The following RAP1GDS1 variants were observed in gnomAD, a reference collection of about 807,000 sequenced individuals.
RAP1GDS1 encodes the protein RAP1, GTP-GDP dissociation stimulator 1.
Under a neutral mutation model 71.1 loss-of-function variants are expected in RAP1GDS1, and 35 were observed. The observed-to-expected ratio is 0.49, with a 90% CI of 0.38 to 0.65. The LOEUF (loss-of-function observed/expected upper bound fraction) is 0.65, where lower values mean the gene tolerates loss of function less well. Among genes scored for constraint, RAP1GDS1 ranks in the 30% least tolerant of loss-of-function variants. The probability of loss-of-function intolerance (pLI) is 0.00; values close to 1 mark genes in which losing one functional copy is unlikely to be tolerated. For missense variants in RAP1GDS1, 663 were observed against 706.1 expected (o/e 0.94, Z 0.69); for synonymous variants, 229 against 243.1 (o/e 0.94, Z 0.54).
chr4:98,289,572 AAAAG>A (rs1475345159), intron 1 of RAP1GDS1, among the ~76,000 whole-genome samples: 110 of 148,218 alleles, frequency 7.4e-4, no homozygotes, highest in South Asian at 6.5e-3. Flanking sequence ...AAAAAAAAAA[AAAAG>A]AAAGAAAAGT....
At chr4:98,346,272 A>C (rs1009794996) in intron 3 of RAP1GDS1, among the ~76,000 whole-genome samples, 8 of 152,196 alleles carry the variant, frequency 5.3e-5, no homozygotes, top group Admixed American at 5.2e-4. Context: ...TGCTCTTAAC[A>C]ACAAAAGAGT....
intron 4 of RAP1GDS1, among the ~76,000 whole-genome samples, chr4:98,355,007 ACTT>A (rs758423250): frequency 3.3e-5 from 5 of 152,146 alleles, no homozygotes; most frequent in African/African-American, 4.8e-5. Context: ...AATTCTGTCA[ACTT>A]CTTTGTGATT....
chr4:98,373,151 G>A (rs1188437341), intron 4 of RAP1GDS1, among the ~76,000 whole-genome samples: 1 of 152,080 alleles, frequency 6.6e-6, no homozygotes, highest in Non-Finnish European at 1.5e-5. Context: ...TGCATAACAG[G>A]TTTATTGCAA....
At chr4:98,432,097 G>A (rs1215889404) in intron 12 of RAP1GDS1, among the ~76,000 whole-genome samples, 2 of 151,914 alleles carry the variant, frequency 1.3e-5, no homozygotes, top group South Asian at 2.1e-4. Flanking sequence ...CCCATCCCAC[G>A]ACAGGCCCCA....
intron 4 of RAP1GDS1, 119 bp from the exon 5 acceptor site, chr4:98,378,898 C>T (rs1031915718): frequency 1.0e-6 from 1 of 958,584 alleles, no homozygotes; most frequent in Non-Finnish European, 1.5e-6. Context: ...TAATGTCCTG[C>T]CTAGGTTTAT....
intron 12 of RAP1GDS1, among the ~76,000 whole-genome samples, chr4:98,423,159 G>C (rs998745005): frequency 2.6e-5 from 4 of 152,230 alleles, no homozygotes; most frequent in East Asian, 1.9e-4. Flanking sequence ...AGGAAAGAAA[G>C]ACTAACACAC....
Position 98,392,007 on chromosome 4 carries a change from A to G in RAP1GDS1, c.564A>G (p.Leu188=). ...GTGTTATTCCTACCTTAGTGAAATT[A>G]CTGGGCATCCACTGCCAAAATGCAG... ...NMGVIPTLVK[L]LGIHCQNAAL... is the part of the protein sequence containing the mutation. Residue 188 remains leucine (L), a synonymous_variant, in exon 6 of 15, where the codon TTA becomes TTG. Transcript: ENST00000408927. The G allele has an allele frequency of 6.2e-7, 1 of 1,611,344 alleles. No homozygotes were observed. Among genetic ancestry groups the G allele is most frequent in the Non-Finnish European group, 8.5e-7 (1 of 1,178,000 alleles).
intron 2 of RAP1GDS1, among the ~76,000 whole-genome samples, chr4:98,319,778 CAAAAAAAAAAAA>C (rs35696332): frequency 1.3e-5 from 1 of 79,216 alleles, no homozygotes; most frequent in Non-Finnish European, 2.7e-5. Context: ...GAGAATGTCT[CAAAAAAAAAAAA>C]AAAAAAAAAG....
intron 3 of RAP1GDS1, among the ~76,000 whole-genome samples, chr4:98,347,746 T>C (rs186761300): frequency 6.6e-6 from 1 of 152,234 alleles, no homozygotes; most frequent in East Asian, 1.9e-4. Flanking sequence ...GAGAATCTGA[T>C]TTTTTGCCTG....
chr4:98,386,143 A>G (rs942537398), intron 5 of RAP1GDS1, among the ~76,000 whole-genome samples: 3 of 151,922 alleles, frequency 2.0e-5, no homozygotes, highest in African/African-American at 4.8e-5. Context: ...AAACATATCT[A>G]TAGAATTTTT....
intron 2 of RAP1GDS1, among the ~76,000 whole-genome samples, chr4:98,327,101 T>C (rs1733232492): frequency 6.6e-6 from 1 of 152,210 alleles, no homozygotes; most frequent in African/African-American, 2.4e-5. Flanking sequence ...AGTACAGTAG[T>C]TTCTATTACT....
intron 7 of RAP1GDS1, among the ~76,000 whole-genome samples, chr4:98,407,639 A>G (rs1357359498): frequency 1.1e-4 from 17 of 152,344 alleles, no homozygotes; most frequent in Non-Finnish European, 1.5e-5. Flanking sequence ...ACACAAAGGC[A>G]TAGAGAGTGG....
At position 98,443,023 on chromosome 4, in the gene RAP1GDS1, T is replaced by TTTTTTTTTTTTTTTTTG. The variant is rs1752078638; in HGVS notation, c.*921_*922insTGTTTTTTTTTTTTTTT. 2 of 209,660 alleles carry TTTTTTTTTTTTTTTTTG rather than the reference T, an allele frequency of 9.5e-6. No individual in the cohort carries two copies. Among genetic ancestry groups the TTTTTTTTTTTTTTTTTG allele is most frequent in the African/African-American group, 2.6e-5 (1 of 38,956 alleles). 13.0% of individuals were successfully genotyped at this position (209,660 alleles called of 1,614,324 possible). A position where few individuals can be genotyped will look rare whatever the true frequency, so the allele number is the denominator to read the frequency against. On this transcript the variant is annotated 3_prime_UTR_variant, in exon 15 of 15. Transcript: ENST00000408927. Reference sequence around the variant, plus strand: ...GTTCATTGAAGAATGGAATTTTTTTTTTTTTTTTTTTTTTTGCTGTTTTTC... The same window carrying TTTTTTTTTTTTTTTTTG: ...GTTCATTGAAGAATGGAATTTTTTTTTTTTTTTTTTTTTTTTGTTTTTTTTTTTTTTTGCTGTTTTTC...
At chr4:98,380,916 T>C (rs1182927779) in intron 5 of RAP1GDS1, among the ~76,000 whole-genome samples, 1 of 151,644 alleles carries the variant, frequency 6.6e-6, no homozygotes, top group Admixed American at 6.6e-5. Flanking sequence ...AAAATCTGTA[T>C]AGAGGTATTA....
In RAP1GDS1 at chr4:98,421,331, T is replaced by C. The variant is rs1386349378; in HGVS notation, c.1377T>C (p.His459=). 6.2e-7 allele frequency: 1 copy of C among 1,611,824 alleles called. No homozygotes were observed. The highest frequency in any genetic ancestry group is 2.2e-5 in the East Asian group (1 of 44,824). The change falls in exon 12 of 15, where the codon CAT becomes CAC. Residue 459 remains histidine, a synonymous_variant. Coordinates refer to ENST00000408927, the MANE Select transcript of RAP1GDS1 (RefSeq NM_001100427.2). The stretch of plus-strand genomic sequence containing the variant: ...TGGAATGGTGTGAAGCCAAAGATCA[T>C]GCTGGTGTGATGGGGGAGTCAAACA... The part of the protein sequence containing the change: ...RLVEWCEAKD[H]AGVMGESNRL...
At chr4:98,409,648 T>C (rs1746722479) in intron 7 of RAP1GDS1, 2 of 286,310 alleles carry the variant, frequency 7.0e-6, no homozygotes, top group South Asian at 4.2e-5. Flanking sequence ...CAAAGAGAAA[T>C]GTACCTGAGT....
chr4:98,334,431 C>G (rs1309407241), intron 2 of RAP1GDS1, among the ~76,000 whole-genome samples: 9 of 152,192 alleles, frequency 5.9e-5, no homozygotes, highest in Non-Finnish European at 1.0e-4. Context: ...AACAAAATTT[C>G]TAAGTGGCAT....
intron 1 of RAP1GDS1, among the ~76,000 whole-genome samples, chr4:98,279,726 A>G (rs28786730): frequency 0.042 from 6,333 of 152,190 alleles, 309 homozygotes; most frequent in African/African-American, 0.12. Flanking sequence ...CATCATTTAC[A>G]TTAGGTATTT....
chr4:98,415,999 C>T (rs552526958), intron 7 of RAP1GDS1, among the ~76,000 whole-genome samples: 29 of 152,004 alleles, frequency 1.9e-4, no homozygotes, highest in Non-Finnish European at 3.5e-4. Context: ...TTACTGTAAC[C>T]TTGAACTCCT....
Sources: gnomAD v4.1 joint callset for allele counts (sites outside exome capture counted in the v4.1 genomes callset) on GRCh38, gnomAD v4.1.1 for gene constraint, MANE v1.5 for transcripts, NCBI Gene and HGNC (gene_info 2026-07-23, HGNC 2026-07-21) for gene names.